The following PLXDC2 variants were observed in gnomAD, a reference collection of about 807,000 sequenced individuals.
PLXDC2 encodes the protein plexin domain-containing protein 2.
A neutral mutation model predicts 68.9 loss-of-function variants in PLXDC2; 40 were observed. The observed-to-expected ratio is 0.58, with a 90% confidence interval of 0.45 to 0.76. PLXDC2 has a LOEUF of 0.76. Ranked by LOEUF, PLXDC2 falls within the 30% of genes least tolerant of loss-of-function variation. The pLI, the probability that PLXDC2 is intolerant of heterozygous loss-of-function variation, is 0.00. For synonymous variants in PLXDC2, 243 were observed against 234.2 expected (o/e 1.04, Z -0.34); for missense variants, 644 against 661.9 (o/e 0.97, Z 0.30).
At chr10:19,982,643 A>G (rs1834570751) in intron 1 of PLXDC2, among the ~76,000 whole-genome samples, 1 of 152,214 alleles carries the variant, frequency 6.6e-6, no homozygotes, top group Non-Finnish European at 1.5e-5. Context: ...GATGCCCAAC[A>G]GCAACGACAG....
chr10:19,979,995 C>G (rs545677214), intron 1 of PLXDC2, among the ~76,000 whole-genome samples: 1 of 152,250 alleles, frequency 6.6e-6, no homozygotes, highest in South Asian at 2.1e-4. Context: ...TGTCGTATAT[C>G]CTGGGTACCA....
intron 9 of PLXDC2, among the ~76,000 whole-genome samples, chr10:20,195,075 T>G (rs112654162): frequency 2.6e-5 from 4 of 152,122 alleles, no homozygotes; most frequent in African/African-American, 9.6e-5. Context: ...GAACAAATGA[T>G]TTCATAAAAT....
chr10:20,102,486 G>A (rs1379522398), intron 4 of PLXDC2, among the ~76,000 whole-genome samples: 1 of 152,082 alleles, frequency 6.6e-6, no homozygotes, highest in African/African-American at 2.4e-5. Flanking sequence ...TCTATTAAAT[G>A]GACTATATGT....
chr10:20,203,352 A>G (rs1834946491), intron 9 of PLXDC2, among the ~76,000 whole-genome samples: 1 of 149,624 alleles, frequency 6.7e-6, no homozygotes, highest in Admixed American at 6.7e-5. Flanking sequence ...GTGCAGTGGT[A>G]TGATAACAGC....
chr10:19,994,562 A>T (rs1183133192), intron 1 of PLXDC2, among the ~76,000 whole-genome samples: 1 of 151,698 alleles, frequency 6.6e-6, no homozygotes, highest in Non-Finnish European at 1.5e-5. Context: ...TTACCTAGGC[A>T]GGTCTCCATC....
At chr10:20,133,248 T>C (rs948700312) in intron 4 of PLXDC2, among the ~76,000 whole-genome samples, 4 of 152,196 alleles carry the variant, frequency 2.6e-5, no homozygotes, top group Admixed American at 1.3e-4. Context: ...TGGAGCACTA[T>C]TGGAATATAA....
At chr10:20,161,879 AAGTT>A (rs1834296868) in intron 6 of PLXDC2, among the ~76,000 whole-genome samples, 1 of 151,910 alleles carries the variant, frequency 6.6e-6, no homozygotes, top group African/African-American at 2.4e-5. Context: ...TAAAAATACA[AAGTT>A]AGCTGGGCGC....
intron 7 of PLXDC2, among the ~76,000 whole-genome samples, chr10:20,169,625 T>C (rs1271931606): frequency 6.6e-6 from 1 of 152,184 alleles, no homozygotes; most frequent in Non-Finnish European, 1.5e-5. Flanking sequence ...GGGTGCTGAC[T>C]TATCCCATCG....
At position 20,289,614 on chromosome 10, in the gene PLXDC2, C is replaced by A. The variant is rs941451810; in HGVS notation, c.*9795C>A. 1 of 152,182 alleles carries A rather than the reference C, an allele frequency of 6.6e-6. No homozygotes were observed. Among genetic ancestry groups the A allele is most frequent in the African/African-American group, 2.4e-5 (1 of 41,416 alleles). 9.4% of individuals were successfully genotyped at this position (152,182 alleles called of 1,614,324 possible). On this transcript the variant is annotated 3_prime_UTR_variant, in exon 14 of 14. Coordinates refer to ENST00000377252, the MANE Select transcript of PLXDC2 (RefSeq NM_032812.9). ...AATTCTGAATATTCCTTCCCCTTTT[C>A]CCAATCCTCCACTCTTGGACTACCT...
chr10:19,972,564 C>T (rs924049504), intron 1 of PLXDC2, among the ~76,000 whole-genome samples: 2 of 152,006 alleles, frequency 1.3e-5, no homozygotes, highest in East Asian at 3.8e-4. Flanking sequence ...GCCCATGTAA[C>T]AAACGTGCAC....
chr10:20,048,087 T>G (rs1415520160), intron 3 of PLXDC2, among the ~76,000 whole-genome samples: 1 of 152,292 alleles, frequency 6.6e-6, no homozygotes, highest in Admixed American at 6.6e-5. Context: ...ACGTTTCAAG[T>G]GCTTTTGTCA....
intron 1 of PLXDC2, among the ~76,000 whole-genome samples, chr10:19,843,335 T>C (rs1001657861): frequency 4.6e-5 from 7 of 152,166 alleles, no homozygotes; most frequent in African/African-American, 1.4e-4. Context: ...ATTTATCCAA[T>C]ATCGATTTAT....
chr10:19,817,102 A>T lies in PLXDC2; in HGVS notation c.23A>T (p.Asp8Val). The change falls in exon 1 of 14, where the codon GAC becomes GTC. Residue 8 changes from aspartate to valine, a missense_variant. Asp to Val is a radical substitution (Grantham distance 152). Transcript: ENST00000377252. ...GGCATGGCGAGGTTCCCGAAGGCCGACCTGGCCGCTGCAGGAGTTATGTTA... is the reference window on the plus strand; with the variant it reads ...GGCATGGCGAGGTTCCCGAAGGCCGTCCTGGCCGCTGCAGGAGTTATGTTA... Reference protein sequence around the residue: MARFPKADLAAAGVMLLC... With the variant: MARFPKAVLAAAGVMLLC... 6.4e-7 allele frequency: 1 copy of T among 1,560,034 alleles called. No individual in the cohort carries two copies. The highest frequency in any genetic ancestry group is 2.4e-5 in the East Asian group (1 of 41,440).
At chr10:19,952,540 T>C (rs536649202) in intron 1 of PLXDC2, among the ~76,000 whole-genome samples, 1 of 152,268 alleles carries the variant, frequency 6.6e-6, no homozygotes, top group Admixed American at 6.5e-5. Flanking sequence ...CTAATGGGAG[T>C]TGAAATGCAG....
chr10:20,189,504 T>TAC lies in PLXDC2; in HGVS notation c.1061+12099_1061+12100dup, dbSNP rs547607565. On this transcript the variant is annotated intron_variant, in intron 9 of 13. Transcript: ENST00000377252. ...ATATATATATATATATATATATATA[T>TAC]ACACATACACACACATATATATACA... 2.1e-3 allele frequency among the ~76,000 whole-genome samples: 260 copies of TAC among 121,596 alleles called. 4 individuals carry two copies. Among genetic ancestry groups the TAC allele is most frequent in the Non-Finnish European group, 3.5e-3 (203 of 58,140 alleles). The allele number at this position is 121,596 out of a possible 152,430, so 79.8% of individuals were successfully genotyped here.
At chr10:19,945,156 A>T (rs1292688583) in intron 1 of PLXDC2, among the ~76,000 whole-genome samples, 1 of 152,212 alleles carries the variant, frequency 6.6e-6, no homozygotes, top group Non-Finnish European at 1.5e-5. Context: ...ATATGTAAAG[A>T]GTCAGCTTTA....
chr10:19,954,218 T>C (rs1428355576), intron 1 of PLXDC2, among the ~76,000 whole-genome samples: 1 of 152,238 alleles, frequency 6.6e-6, no homozygotes, highest in Admixed American at 6.5e-5. Context: ...GCTTTTGGTA[T>C]ATTGACTGAT....
At chr10:19,986,603 A>T (rs922832457) in intron 1 of PLXDC2, among the ~76,000 whole-genome samples, 1 of 152,060 alleles carries the variant, frequency 6.6e-6, no homozygotes, top group Admixed American at 6.5e-5. Flanking sequence ...CCTGTCTGTT[A>T]CCCAGCCAAG....
At chr10:20,117,472 A>G (rs140570552) in intron 4 of PLXDC2, among the ~76,000 whole-genome samples, 1 of 152,318 alleles carries the variant, frequency 6.6e-6, no homozygotes, top group Non-Finnish European at 1.5e-5. Flanking sequence ...ACAAAGGAAC[A>G]GTGATTTTCA....
Sources: gnomAD v4.1 joint callset for allele counts (sites outside exome capture counted in the v4.1 genomes callset) on GRCh38, gnomAD v4.1.1 for gene constraint, MANE v1.5 for transcripts, NCBI Gene and HGNC (gene_info 2026-07-23, HGNC 2026-07-21) for gene names.